Variants in KSR2 observed in about 807,000 individuals in gnomAD.
KSR2 encodes kinase suppressor of ras 2.
Under a neutral mutation model 107.8 loss-of-function variants are expected in KSR2, and 25 were observed. That is an observed-to-expected ratio of 0.23 (90% confidence interval 0.17 to 0.32). The LOEUF (loss-of-function observed/expected upper bound fraction) is 0.32. Ranked by LOEUF, KSR2 falls within the 10% of genes least tolerant of loss-of-function variation. The probability of loss-of-function intolerance (pLI) is 1.00; values close to 1 mark genes in which losing one functional copy is unlikely to be tolerated. For missense variants in KSR2, 887 were observed against 1,268.9 expected, an observed-to-expected ratio of 0.70 and a Z score of 4.57; for synonymous variants, 480 against 507.0, an observed-to-expected ratio of 0.95 and a Z score of 0.71.
chr12:117,642,346 A>G (rs1883415737), intron 5 of KSR2, among the ~76,000 whole-genome samples: 1 of 152,184 alleles, frequency 6.6e-6, no homozygotes, highest in East Asian at 1.9e-4. Flanking sequence ...GGATGAACAG[A>G]AGGAGGAATG....
intron 10 of KSR2, among the ~76,000 whole-genome samples, chr12:117,535,932 G>A (rs1016871356): frequency 6.6e-6 from 1 of 152,038 alleles, no homozygotes; most frequent in African/African-American, 2.4e-5. Flanking sequence ...GTCTGTCCAT[G>A]CAGCACTCTT....
At chr12:117,931,073 T>C (rs909700221) in intron 1 of KSR2, among the ~76,000 whole-genome samples, 9 of 152,038 alleles carry the variant, frequency 5.9e-5, no homozygotes, top group African/African-American at 2.2e-4. Context: ...TTACAGAAAC[T>C]CCAAGAGAGT....
chr12:117,781,747 A>G (rs115767447), intron 3 of KSR2, among the ~76,000 whole-genome samples: 1,790 of 152,270 alleles, frequency 0.012, 44 homozygotes, highest in African/African-American at 0.041. Flanking sequence ...GGAAGCCAAC[A>G]CAAATGAGTC....
chr12:117,786,052 C>T (rs888449671), intron 3 of KSR2, among the ~76,000 whole-genome samples: 1 of 152,024 alleles, frequency 6.6e-6, no homozygotes, highest in African/African-American at 2.4e-5. Flanking sequence ...CAAAGAAAAT[C>T]TTGAAAGCGG....
intron 1 of KSR2, among the ~76,000 whole-genome samples, chr12:117,932,220 G>A (rs1454110527): frequency 6.6e-6 from 1 of 152,190 alleles, no homozygotes; most frequent in Non-Finnish European, 1.5e-5. Context: ...CCAGGAGGCA[G>A]AGGTTGCATT....
rs1871015587 is a variant in KSR2, at chr12:117,463,713, A to T, written c.*3486T>A. 6.6e-6 allele frequency: 1 copy of T among 152,296 alleles called. No individual in the cohort carries two copies. Among genetic ancestry groups the T allele is most frequent in the African/African-American group, 2.4e-5 (1 of 41,442 alleles). The allele number at this position is 152,296 out of a possible 1,614,324, so 9.4% of individuals were successfully genotyped here. A position where few individuals can be genotyped will look rare whatever the true frequency, so the allele number is the denominator to read the frequency against. On this transcript the variant is annotated 3_prime_UTR_variant, in exon 20 of 20. Transcript: ENST00000339824. ...TGGGTTTAGATTTCTCAAGATAATGATTGGCCTGAGCTCCGTGTCTACTAC... is the reference window on the plus strand; with the variant it reads ...TGGGTTTAGATTTCTCAAGATAATGTTTGGCCTGAGCTCCGTGTCTACTAC...
rs758849259 is a variant in KSR2, at chr12:117,469,756, T to C, written c.2752A>G (p.Arg918Gly). ...LFCWAFEQEE[R>G]PTFTKLMDML... The stretch of plus-strand genomic sequence containing the variant: ...TCCATGAGCTTGGTGAAGGTAGGTC[T>C]CTCTTCTTGTTCAAAGGCCCAGCAG... Residue 918 changes from arginine to glycine, a missense_variant, in exon 19 of 20, where the codon AGA (arginine) becomes GGA (glycine). By Grantham distance (125) the Arg-to-Gly change is moderately radical (BLOSUM62 -2). Transcript: ENST00000339824. The C allele has an allele frequency of 6.2e-7, 1 of 1,613,924 alleles. No individual in the cohort carries two copies.
At chr12:117,549,976 A>T (rs570012133) in intron 9 of KSR2, among the ~76,000 whole-genome samples, 1 of 152,230 alleles carries the variant, frequency 6.6e-6, no homozygotes, top group Non-Finnish European at 1.5e-5. Flanking sequence ...TGCAGGTTAA[A>T]CCCACATCTG....
In KSR2 at chr12:117,860,328, C is replaced by A. The variant is rs1189393227; in HGVS notation, c.284G>T (p.Trp95Leu). The A allele has an allele frequency of 6.2e-7, 1 of 1,613,816 alleles. No homozygotes were observed. Among genetic ancestry groups the A allele is most frequent in the Middle Eastern group, 1.7e-4 (1 of 6,058 alleles). ...ELDGFPQLRHWFRIVDVRKEV... is the reference protein window; with the variant it reads ...ELDGFPQLRHLFRIVDVRKEV... Reference sequence around the variant, plus strand: ...CTTGCGCACATCGACGATTCGGAACCAGTGCCGTAGCTGGGGGAAGCCGTC... The same window carrying A: ...CTTGCGCACATCGACGATTCGGAACAAGTGCCGTAGCTGGGGGAAGCCGTC... The change falls in exon 2 of 20, where the codon TGG (tryptophan) becomes TTG (leucine). Residue 95 changes from tryptophan (W) to leucine (L), a missense_variant. Transcript: ENST00000339824.
intron 1 of KSR2, among the ~76,000 whole-genome samples, chr12:117,923,584 G>C (rs1269530159): frequency 6.6e-6 from 1 of 152,156 alleles, no homozygotes; most frequent in Non-Finnish European, 1.5e-5. Flanking sequence ...AGGATCGCTT[G>C]AGCCCAGGAG....
At chr12:117,497,393 C>T (rs1873095314) in intron 14 of KSR2, among the ~76,000 whole-genome samples, 1 of 152,130 alleles carries the variant, frequency 6.6e-6, no homozygotes, top group Admixed American at 6.5e-5. Flanking sequence ...GCAGGGGCCC[C>T]CTTCCCACTA....
At chr12:117,730,389 G>A (rs532518577) in intron 4 of KSR2, among the ~76,000 whole-genome samples, 1 of 151,976 alleles carries the variant, frequency 6.6e-6, no homozygotes, top group East Asian at 1.9e-4. Flanking sequence ...AATATATCCT[G>A]TCTCTATTAT....
intron 14 of KSR2, among the ~76,000 whole-genome samples, chr12:117,499,607 A>T (rs999976393): frequency 6.6e-6 from 1 of 152,132 alleles, no homozygotes; most frequent in Non-Finnish European, 1.5e-5. Context: ...GAGAGGAAAC[A>T]TTTTTGCTCC....
intron 15 of KSR2, among the ~76,000 whole-genome samples, chr12:117,485,093 T>A (rs772419383): frequency 6.6e-6 from 1 of 152,194 alleles, no homozygotes; most frequent in African/African-American, 2.4e-5. Flanking sequence ...TATTTCCTCA[T>A]GCAGCTCAGT....
At chr12:117,910,098 G>A (rs1295850169) in intron 1 of KSR2, among the ~76,000 whole-genome samples, 1 of 152,036 alleles carries the variant, frequency 6.6e-6, no homozygotes, top group Non-Finnish European at 1.5e-5. Flanking sequence ...AGGCATGGTG[G>A]TGTGTGCCTG....
chr12:117,732,609 A>T (rs1044748636), intron 4 of KSR2, among the ~76,000 whole-genome samples: 6 of 152,132 alleles, frequency 3.9e-5, no homozygotes. Context: ...ACTGAGCAGC[A>T]CTTAGAAAGT....
chr12:117,781,519 T>C (rs1889888577), intron 3 of KSR2, among the ~76,000 whole-genome samples: 1 of 152,122 alleles, frequency 6.6e-6, no homozygotes, highest in South Asian at 2.1e-4. Flanking sequence ...GCTGAGGATT[T>C]ATCCAGAGGA....
chr12:117,839,129 CACAG>C lies in KSR2; in HGVS notation c.472+16295_472+16298del, dbSNP rs1444950992. Among the ~76,000 whole-genome samples, 4 of 152,324 alleles carry C rather than the reference CACAG, an allele frequency of 2.6e-5. No individual in the cohort carries two copies. In the East Asian group the frequency reaches 7.7e-4, roughly 29 times the overall value. On this transcript the variant is annotated intron_variant, in intron 3 of 19. Transcript: ENST00000339824. Reference sequence around the variant, plus strand: ...CTCCCACACGATCTCATTCCTGATACACAGACAGAAAGTGCTTTGGCTTCACTTC... The same window carrying C: ...CTCCCACACGATCTCATTCCTGATACACAGAAAGTGCTTTGGCTTCACTTC...
chr12:117,860,191 G>A lies in KSR2; in HGVS notation c.321+100C>T. The A allele has an allele frequency of 4.0e-6, 5 of 1,244,230 alleles. No homozygotes were observed. The South Asian group carries it at 5.7e-5, about 14-fold the overall frequency. The allele number at this position is 1,244,230 out of a possible 1,614,324, so 77.1% of individuals were successfully genotyped here. ...TATTGAGAGCCTGCTATGTGCCAGG[G>A]ACTGTGCTGGGCACAGCCAGAAACC... is the stretch of plus-strand genomic sequence containing the variant. On this transcript the variant is annotated intron_variant, in intron 2 of 19. Transcript: ENST00000339824.
Sources: gnomAD v4.1 joint callset for allele counts (sites outside exome capture counted in the v4.1 genomes callset) on GRCh38, gnomAD v4.1.1 for gene constraint, MANE v1.5 for transcripts, NCBI Gene and HGNC (gene_info 2026-07-23, HGNC 2026-07-21) for gene names.